C1QTNF9: variants seen among roughly 807,000 people sequenced by gnomAD.
The protein encoded by C1QTNF9 is C1q and TNF related 9.
A neutral mutation model predicts 10.1 loss-of-function variants in C1QTNF9; 6 were observed. The ratio of observed to expected loss-of-function variants is 0.59; its 90% CI spans 0.32 to 1.17. The LOEUF is 1.17. Ranked by LOEUF, C1QTNF9 falls within the 50% of genes most tolerant of loss-of-function variation. The probability of loss-of-function intolerance (pLI) is 0.04; values close to 1 mark genes in which losing one functional copy is unlikely to be tolerated. For missense variants in C1QTNF9, 201 were observed against 418.8 expected, an observed-to-expected ratio of 0.48 and a Z score of 4.54; for synonymous variants, 98 against 163.5, an observed-to-expected ratio of 0.60 and a Z score of 3.06.
intron 1 of C1QTNF9, chr13:24,315,736 T>C (rs749834518): frequency 2.6e-5 from 14 of 528,332 alleles, no homozygotes; most frequent in Non-Finnish European, 3.7e-5. Flanking sequence ...GACCTTAAAC[T>C]TGGCTTTTTA....
intron 1 of C1QTNF9, among the ~76,000 whole-genome samples, chr13:24,310,911 C>CAAAAA (rs58299891): frequency 4.8e-5 from 4 of 83,032 alleles, no homozygotes; most frequent in Non-Finnish European, 4.5e-5. Flanking sequence ...GGCTCTGTCT[C>CAAAAA]AAAAAAAAAA....
chr13:24,310,143 T>G (rs533655930), intron 1 of C1QTNF9, among the ~76,000 whole-genome samples: 1 of 152,028 alleles, frequency 6.6e-6, no homozygotes, highest in Admixed American at 6.5e-5. Context: ...CCAACCGCTT[T>G]GGCCTCCCAA....
At chr13:24,315,547 G>A (rs1877989632) in intron 1 of C1QTNF9, among the ~76,000 whole-genome samples, 1 of 152,046 alleles carries the variant, frequency 6.6e-6, no homozygotes, top group Admixed American at 6.5e-5. Flanking sequence ...TAGATGCACA[G>A]CAGTGGAATT....
rs1175800466 is a variant in C1QTNF9, at chr13:24,320,355, C to G, written c.230-641C>G. ...GGATGTGTGTGTGTCCATGTGCACA[C>G]ACGTGTGTAATTGGAGTAATTGATT... On this transcript the variant is annotated intron_variant, in intron 3 of 3. Coordinates refer to ENST00000332018, the Ensembl canonical transcript of C1QTNF9. 2.0e-5 allele frequency among the ~76,000 whole-genome samples: 3 copies of G among 152,112 alleles called. No individual in the cohort carries two copies. In the East Asian group the frequency reaches 5.8e-4, roughly 29 times the overall value.
At chr13:24,317,440 C>T (rs1878083989) in intron 2 of C1QTNF9, among the ~76,000 whole-genome samples, 1 of 152,116 alleles carries the variant, frequency 6.6e-6, no homozygotes, top group Non-Finnish European at 1.5e-5. Context: ...GAATTTCTCT[C>T]CTCTTTTCTC....
chr13:24,314,136 C>G (rs1042823255), intron 1 of C1QTNF9, among the ~76,000 whole-genome samples: 4 of 152,148 alleles, frequency 2.6e-5, no homozygotes, highest in African/African-American at 9.7e-5. Context: ...GTCTTTTGCT[C>G]TTTAACTTTT....
intron 3 of C1QTNF9, among the ~76,000 whole-genome samples, chr13:24,319,747 AC>A (rs779995718): frequency 1.7e-4 from 26 of 152,294 alleles, no homozygotes; most frequent in Non-Finnish European, 3.5e-4. Flanking sequence ...AGGAGGTGGA[AC>A]TAGAACTGGT....
At chr13:24,319,775 T>C (rs867646808) in intron 3 of C1QTNF9, among the ~76,000 whole-genome samples, 1 of 152,258 alleles carries the variant, frequency 6.6e-6, no homozygotes, top group Middle Eastern at 3.4e-3. Context: ...TGGGTCGGGA[T>C]GTAGTCGTAG....
At chr13:24,310,170 T>C (rs547364051) in intron 1 of C1QTNF9, among the ~76,000 whole-genome samples, 22 of 151,544 alleles carry the variant, frequency 1.5e-4, no homozygotes, top group Admixed American at 9.2e-4. Flanking sequence ...GGGATTTTTT[T>C]TGAGACAGAG....
upstream of C1QTNF9, among the ~76,000 whole-genome samples, chr13:24,308,149 T>G (rs1326880458): frequency 6.6e-6 from 1 of 152,226 alleles, no homozygotes; most frequent in African/African-American, 2.4e-5. Flanking sequence ...CCCGAGGCTG[T>G]GCTTCCGTCG....
rs58299891 is a variant in C1QTNF9 at position 24,310,911 on chromosome 13, CAA to C, written c.-23+1316_-23+1317del. ...TGGGCAACAGAGCGAGGCTCTGTCT[CAA>C]AAAAAAAAAAAAAAAAAAAAGATAT... On this transcript the variant is annotated intron_variant, in intron 1 of 3. Coordinates refer to ENST00000332018, the Ensembl canonical transcript of C1QTNF9. 8.2e-3 allele frequency among the ~76,000 whole-genome samples: 677 copies of C among 82,986 alleles called. 3 individuals carry two copies. The highest frequency in any genetic ancestry group is 0.026 in the African/African-American group (467 of 17,706). The allele number at this position is 82,986 out of a possible 152,430, so 54.4% of individuals were successfully genotyped here.
upstream of C1QTNF9, among the ~76,000 whole-genome samples, chr13:24,308,802 C>T (rs1877700703): frequency 6.6e-6 from 1 of 152,230 alleles, no homozygotes. Flanking sequence ...ACTGCGGCAT[C>T]TCGGGAAACC....
chr13:24,321,764 C>G (rs530287667), exon 4 of C1QTNF9: 2 of 1,559,830 alleles, frequency 1.3e-6, no homozygotes, highest in African/African-American at 2.7e-5. Flanking sequence ...TTCAGCAGCC[C>G]GTGACAGAGG....
intron 1 of C1QTNF9, among the ~76,000 whole-genome samples, chr13:24,313,353 C>T (rs897835574): frequency 6.6e-6 from 1 of 152,192 alleles, no homozygotes; most frequent in Non-Finnish European, 1.5e-5. Context: ...TTTATCCTAA[C>T]CTGACACCTT....
chr13:24,307,634 A>T (rs1444516753), upstream of C1QTNF9, among the ~76,000 whole-genome samples: 1 of 152,116 alleles, frequency 6.6e-6, no homozygotes, highest in Non-Finnish European at 1.5e-5. Flanking sequence ...GCTCCTCCCA[A>T]CCTTGGGCTG....
At chr13:24,319,479 C>A (rs1221842205) in intron 3 of C1QTNF9, among the ~76,000 whole-genome samples, 4 of 152,086 alleles carry the variant, frequency 2.6e-5, no homozygotes, top group African/African-American at 7.2e-5. Context: ...GTTGGGGCTG[C>A]CATGAGCCAT....
intron 3 of C1QTNF9, among the ~76,000 whole-genome samples, chr13:24,319,946 C>T (rs1878185419): frequency 6.6e-6 from 1 of 152,136 alleles, no homozygotes; most frequent in South Asian, 2.1e-4. Flanking sequence ...CATATGGGGA[C>T]AGAATGGAAA....
intron 1 of C1QTNF9, among the ~76,000 whole-genome samples, chr13:24,309,875 G>C (rs1296922392): frequency 1.3e-5 from 2 of 152,100 alleles, no homozygotes; most frequent in Non-Finnish European, 2.9e-5. Context: ...AAAAACCATA[G>C]AATAAGTCAT....
At chr13:24,310,193 G>A (rs1190547710) in intron 1 of C1QTNF9, among the ~76,000 whole-genome samples, 2 of 150,798 alleles carry the variant, frequency 1.3e-5, no homozygotes, top group African/African-American at 4.9e-5. Flanking sequence ...TCACTCTGTT[G>A]TCCAGACTGG....
Sources: allele counts gnomAD v4.1 joint callset (sites outside exome capture counted in the v4.1 genomes callset), GRCh38; gene constraint gnomAD v4.1.1; transcripts MANE v1.5; gene names NCBI Gene and HGNC (gene_info 2026-07-23, HGNC 2026-07-21).